CORIN: variants seen among roughly 807,000 people sequenced by gnomAD.
CORIN encodes atrial natriuretic peptide-converting enzyme.
Under a neutral mutation model 125.3 loss-of-function variants are expected in CORIN, and 117 were observed. That is an observed-to-expected ratio of 0.93 (90% CI 0.80 to 1.09). CORIN has a LOEUF of 1.09. CORIN is among the 50% of genes least tolerant of loss of function. CORIN has a pLI of 0.00. For missense variants in CORIN, 1,253 were observed against 1,306.7 expected (o/e 0.96, Z 0.63); for synonymous variants, 450 against 466.4 (o/e 0.96, Z 0.45).
At chr4:47,751,089 T>G (rs1159960923) in intron 4 of CORIN, among the ~76,000 whole-genome samples, 2 of 152,192 alleles carry the variant, frequency 1.3e-5, no homozygotes, top group Non-Finnish European at 2.9e-5. Context: ...GGATCCAATT[T>G]ACCAGCACAC....
chr4:47,633,620 G>A (rs1369014164), intron 16 of CORIN, among the ~76,000 whole-genome samples: 1 of 151,996 alleles, frequency 6.6e-6, no homozygotes, highest in Non-Finnish European at 1.5e-5. Context: ...CTTTTTTCGA[G>A]AACTTGACCT....
At chr4:47,629,318 T>C (rs1560479733) in intron 16 of CORIN, among the ~76,000 whole-genome samples, 1 of 152,196 alleles carries the variant, frequency 6.6e-6, no homozygotes, top group Non-Finnish European at 1.5e-5. Context: ...TTTCTTATAT[T>C]TGTTGGCCAT....
intron 16 of CORIN, among the ~76,000 whole-genome samples, chr4:47,630,616 G>A (rs1442456037): frequency 6.6e-6 from 1 of 152,158 alleles, no homozygotes; most frequent in Non-Finnish European, 1.5e-5. Flanking sequence ...GAGTACCAGT[G>A]GAGGCCCAAT....
At chr4:47,761,277 T>A (rs981653892) in intron 4 of CORIN, among the ~76,000 whole-genome samples, 2 of 152,184 alleles carry the variant, frequency 1.3e-5, no homozygotes, top group African/African-American at 4.8e-5. Flanking sequence ...TAGCTTTTCA[T>A]TTAAAGTGAG....
intron 9 of CORIN, among the ~76,000 whole-genome samples, chr4:47,675,890 C>G (rs935081881): frequency 6.6e-6 from 1 of 152,092 alleles, no homozygotes; most frequent in Non-Finnish European, 1.5e-5. Flanking sequence ...ATTTAAAGAG[C>G]AGTAGAAGCC....
At chr4:47,642,467 G>A (rs957164939) in intron 15 of CORIN, among the ~76,000 whole-genome samples, 2 of 152,200 alleles carry the variant, frequency 1.3e-5, no homozygotes, top group South Asian at 4.1e-4. Flanking sequence ...GGATTAATTT[G>A]GTATATGTGT....
At chr4:47,804,292 T>C (rs1731670326) in intron 2 of CORIN, among the ~76,000 whole-genome samples, 1 of 152,148 alleles carries the variant, frequency 6.6e-6, no homozygotes, top group South Asian at 2.1e-4. Context: ...TAAAGAACAG[T>C]TTGGACATTC....
intron 19 of CORIN, among the ~76,000 whole-genome samples, chr4:47,612,423 A>T (rs1394004402): frequency 2.6e-5 from 4 of 152,182 alleles, no homozygotes; most frequent in Non-Finnish European, 4.4e-5. Context: ...TGCTACCTAA[A>T]AATTTAAAAA....
intron 15 of CORIN, 130 bp from the exon 16 acceptor site, chr4:47,642,179 T>TAGG: frequency 2.2e-6 from 2 of 903,406 alleles, no homozygotes; most frequent in Non-Finnish European, 1.6e-6. Context: ...ATTTGATGTG[T>TAGG]ACCTACCCTG....
At chr4:47,658,079 A>G (rs994103647) in intron 12 of CORIN, among the ~76,000 whole-genome samples, 6 of 152,184 alleles carry the variant, frequency 3.9e-5, no homozygotes, top group African/African-American at 1.4e-4. Flanking sequence ...AGTTCCTTCT[A>G]CCTATGAGCC....
Position 47,763,472 on chromosome 4 carries a change from A to T in CORIN, c.524T>A (p.Phe175Tyr). The change falls in exon 4 of 22, where the codon TTC becomes TAC. Residue 175 changes from phenylalanine to tyrosine, a missense_variant. Transcript: ENST00000273857. ...NMEMEKFLKF[F>Y]TYLHRLSCYQ... is the part of the protein sequence containing the mutation. ...GCAACTGAGGCGATGGAGATATGTG[A>T]AAAACTTGAGGAACTTTTCCATTTC... The T allele has an allele frequency of 6.2e-7, 1 of 1,614,174 alleles. No homozygotes were observed. Among genetic ancestry groups the T allele is most frequent in the South Asian group, 1.1e-5 (1 of 91,090 alleles).
rs917279482 is a variant in CORIN at position 47,603,571 on chromosome 4, G to A, written c.2638C>T (p.Leu880=). The A allele has an allele frequency of 3.7e-6, 6 of 1,614,088 alleles. No homozygotes were observed. Among genetic ancestry groups the A allele is most frequent in the Non-Finnish European group, 5.1e-6 (6 of 1,180,046 alleles). The change falls in exon 20 of 22, where the codon CTG becomes TTG. Residue 880 remains leucine (L), a synonymous_variant. Coordinates refer to ENST00000273857, the MANE Select transcript of CORIN (RefSeq NM_006587.4). ...ACTGCTCGACTGTAGCGGGGATGCA[G>A]GATGATGGTCTTCACAAAGCGTGTC... The part of the protein sequence containing the change: ...MQTRFVKTII[L]HPRYSRAVVD...
intron 12 of CORIN, among the ~76,000 whole-genome samples, chr4:47,658,568 G>A (rs1427195307): frequency 6.6e-6 from 1 of 152,248 alleles, no homozygotes; most frequent in Non-Finnish European, 1.5e-5. Context: ...TCTGAGCCAT[G>A]GCTAAAGGTA....
intron 10 of CORIN, among the ~76,000 whole-genome samples, chr4:47,673,306 G>A (rs1349834413): frequency 6.6e-6 from 1 of 151,708 alleles, no homozygotes; most frequent in Non-Finnish European, 1.5e-5. Context: ...AACCTGGGAG[G>A]CGGAGGTTGC....
intron 7 of CORIN, chr4:47,681,772 C>T (rs111934741): frequency 6.6e-5 from 10 of 152,078 alleles, no homozygotes; most frequent in Admixed American, 1.3e-4. Flanking sequence ...TTCCATATAA[C>T]CCAGCAATCC....
intron 1 of CORIN, among the ~76,000 whole-genome samples, chr4:47,829,065 G>A (rs1478007636): frequency 2.1e-5 from 3 of 144,660 alleles, no homozygotes; most frequent in Non-Finnish European, 4.5e-5. Flanking sequence ...GGCTGAGGCA[G>A]GAGAATAGCG....
At chr4:47,790,245 A>T in intron 2 of CORIN, 1 of 981,368 alleles carries the variant, frequency 1.0e-6, no homozygotes, top group Non-Finnish European at 1.2e-6. Flanking sequence ...GGCTGTGGTG[A>T]GACAGCCAAG....
chr4:47,626,019 C>T (rs1368128038), intron 17 of CORIN, among the ~76,000 whole-genome samples: 1 of 152,124 alleles, frequency 6.6e-6, no homozygotes, highest in African/African-American at 2.4e-5. Flanking sequence ...GTGTCTATTC[C>T]TCTCTTAGAC....
intron 3 of CORIN, among the ~76,000 whole-genome samples, chr4:47,785,909 C>CAAAA (rs11313881): frequency 1.2e-5 from 1 of 80,488 alleles, no homozygotes; most frequent in African/African-American, 5.2e-5. Context: ...GACTCCATCT[C>CAAAA]AAAAAAAAAA....
Sources: allele counts gnomAD v4.1 joint callset (sites outside exome capture counted in the v4.1 genomes callset), GRCh38; gene constraint gnomAD v4.1.1; transcripts MANE v1.5; gene names NCBI Gene and HGNC (gene_info 2026-07-23, HGNC 2026-07-21).